LIMCH1: variants seen among roughly 807,000 people sequenced by gnomAD.
LIMCH1 encodes the protein LIM and calponin homology domains-containing protein 1.
Under a neutral mutation model 176.5 loss-of-function variants are expected in LIMCH1, and 113 were observed. The observed-to-expected ratio is 0.64, with a 90% CI of 0.55 to 0.75. The LOEUF (loss-of-function observed/expected upper bound fraction) is 0.75. Among genes scored for constraint, LIMCH1 ranks in the 30% least tolerant of loss-of-function variants. The pLI is 0.00. For missense variants in LIMCH1, 1,674 were observed against 1,814.9 expected, an observed-to-expected ratio of 0.92 and a Z score of 1.41; for synonymous variants, 619 against 645.9, an observed-to-expected ratio of 0.96 and a Z score of 0.63.
At chr4:41,495,085 C>A (rs1202933510) in intron 2 of LIMCH1, among the ~76,000 whole-genome samples, 1 of 152,128 alleles carries the variant, frequency 6.6e-6, no homozygotes, top group Non-Finnish European at 1.5e-5. Flanking sequence ...GTGCTGTTGG[C>A]AAAATTTAAA....
intron 27 of LIMCH1, among the ~76,000 whole-genome samples, chr4:41,685,120 T>C (rs924622361): frequency 6.6e-5 from 10 of 152,236 alleles, no homozygotes; most frequent in Admixed American, 3.3e-4. Context: ...AGAATGACCC[T>C]GGTAAATGTT....
At chr4:41,414,078 A>T (rs1053509513) in intron 1 of LIMCH1, among the ~76,000 whole-genome samples, 2 of 152,210 alleles carry the variant, frequency 1.3e-5, no homozygotes, top group African/African-American at 4.8e-5. Context: ...CAGATTTATT[A>T]TAACTCATTC....
At chr4:41,443,183 G>GTT (rs1265290139) in intron 1 of LIMCH1, among the ~76,000 whole-genome samples, 1 of 27,368 alleles carries the variant, frequency 3.7e-5, no homozygotes, top group East Asian at 7.9e-4. Context: ...CATATTGGAT[G>GTT]TTTTTTTTCT....
intron 1 of LIMCH1, among the ~76,000 whole-genome samples, chr4:41,401,807 G>A (rs1294479212): frequency 6.6e-6 from 1 of 152,178 alleles, no homozygotes; most frequent in Admixed American, 6.5e-5. Flanking sequence ...GTGAATGGGA[G>A]TTCACTCATG....
chr4:41,650,580 A>G lies in LIMCH1; in HGVS notation c.3008A>G (p.Lys1003Arg). 1 of 1,613,982 alleles carries G rather than the reference A, an allele frequency of 6.2e-7. No homozygotes were observed. The highest frequency in any genetic ancestry group is 8.5e-7 in the Non-Finnish European group (1 of 1,179,988). ...DNGSIEINIK[K>R]PNSVPQELAA... ...GGTAGCATCGAGATCAACATAAAGA[A>G]GCCAAACTCTGTTCCCCAAGAGCTC... Residue 1003 changes from lysine to arginine, a missense_variant, in exon 18 of 32, where the codon AAG (lysine) becomes AGG (arginine). Coordinates refer to ENST00000503057, the MANE Select transcript of LIMCH1 (RefSeq NM_001330672.2).
intron 7 of LIMCH1, among the ~76,000 whole-genome samples, chr4:41,620,991 A>G (rs2092534026): frequency 6.6e-6 from 1 of 152,206 alleles, no homozygotes; most frequent in African/African-American, 2.4e-5. Flanking sequence ...CCTAGCAATA[A>G]CATTGTATTT....
intron 18 of LIMCH1, among the ~76,000 whole-genome samples, chr4:41,655,497 G>A (rs1176984777): frequency 1.3e-5 from 2 of 152,288 alleles, no homozygotes; most frequent in Non-Finnish European, 1.5e-5. Flanking sequence ...AAGTAAGTTG[G>A]TCAAAATTAG....
At chr4:41,533,130 C>G (rs540365459) in intron 3 of LIMCH1, among the ~76,000 whole-genome samples, 140 of 152,246 alleles carry the variant, frequency 9.2e-4, no homozygotes, top group Middle Eastern at 3.4e-3. Context: ...AGGGTTGCAG[C>G]TTGCATCATC....
chr4:41,577,424 GA>G (rs953030197), intron 1 of LIMCH1, among the ~76,000 whole-genome samples: 11 of 152,146 alleles, frequency 7.2e-5, no homozygotes, highest in African/African-American at 2.4e-4. Flanking sequence ...AGTTGCAAGT[GA>G]TTTATTTATT....
intron 2 of LIMCH1, among the ~76,000 whole-genome samples, chr4:41,503,947 C>T (rs1018571229): frequency 2.0e-5 from 3 of 152,148 alleles, no homozygotes; most frequent in Non-Finnish European, 4.4e-5. Context: ...CTTCTGCCTC[C>T]GAGCACTTGG....
In LIMCH1 at chr4:41,384,192, C is replaced by T. The variant is rs184775064; in HGVS notation, c.96+23256C>T. Among the ~76,000 whole-genome samples, 399 of 151,590 alleles carry T rather than the reference C, an allele frequency of 2.6e-3. 2 individuals are homozygous for T. Among genetic ancestry groups the T allele is most frequent in the South Asian group, 0.012 (56 of 4,782 alleles). The stretch of plus-strand genomic sequence containing the variant: ...AGGGATTAGACAGTGAGGGGTCCTT[C>T]ACATTACATCCTGCTTTCTTTTTTT... On this transcript the variant is annotated intron_variant, in intron 1 of 26. Coordinates refer to the LIMCH1 transcript ENST00000313860.
In LIMCH1 at chr4:41,593,662, G is replaced by C. The variant is rs993058171; in HGVS notation, c.-240-5258G>C. Among the ~76,000 whole-genome samples, 6 of 152,218 alleles carry C rather than the reference G, an allele frequency of 3.9e-5. No homozygotes were observed. The East Asian group carries it at 1.2e-3, about 29-fold the overall frequency. On this transcript the variant is annotated intron_variant, in intron 1 of 31. Transcript: ENST00000503057. ...AGCGAATACAGGGTCATCCAGCTAT[G>C]GTCTATGGGCCAAATCCACCCAATG... is the stretch of plus-strand genomic sequence containing the variant.
At chr4:41,469,359 C>T (rs1314735536) in intron 1 of LIMCH1, among the ~76,000 whole-genome samples, 1 of 152,174 alleles carries the variant, frequency 6.6e-6, no homozygotes, top group East Asian at 1.9e-4. Flanking sequence ...TTGCTGCCTC[C>T]CTCTTTCAAT....
chr4:41,527,422 G>A (rs1422581649), intron 3 of LIMCH1, among the ~76,000 whole-genome samples: 1 of 152,160 alleles, frequency 6.6e-6, no homozygotes, highest in Non-Finnish European at 1.5e-5. Flanking sequence ...ATGTCCTGGT[G>A]ATGCACTAAG....
chr4:41,430,989 G>A (rs1423519662), intron 1 of LIMCH1, among the ~76,000 whole-genome samples: 1 of 152,168 alleles, frequency 6.6e-6, no homozygotes, highest in East Asian at 1.9e-4. Context: ...GCACAAGCAA[G>A]TTTGTCATTT....
intron 1 of LIMCH1, among the ~76,000 whole-genome samples, chr4:41,473,909 G>T (rs1258210622): frequency 2.0e-5 from 3 of 152,196 alleles, no homozygotes; most frequent in Non-Finnish European, 4.4e-5. Context: ...CAGGCACAGT[G>T]GTTTACGCCT....
At chr4:41,629,392 C>A (rs188380184) in intron 8 of LIMCH1, 100 bp from the exon 9 acceptor site, 1 of 1,367,896 alleles carries the variant, frequency 7.3e-7, no homozygotes, top group Admixed American at 2.2e-5. Flanking sequence ...TTTGTTCTGT[C>A]CTCAGCCTGT....
At chr4:41,380,368 A>G (rs191485715) in intron 1 of LIMCH1, among the ~76,000 whole-genome samples, 1 of 150,016 alleles carries the variant, frequency 6.7e-6, no homozygotes, top group African/African-American at 2.5e-5. Flanking sequence ...GCTGGCCTTG[A>G]TCTCCTCCTG....
intron 30 of LIMCH1, 128 bp downstream of exon 30, chr4:41,689,763 TAG>T (rs1399230231): frequency 1.7e-6 from 1 of 595,742 alleles, no homozygotes; most frequent in Non-Finnish European, 3.1e-6. Context: ...CTAGGTTGTA[TAG>T]ACATTCCTTC....
Sources: allele counts gnomAD v4.1 joint callset (sites outside exome capture counted in the v4.1 genomes callset), GRCh38; gene constraint gnomAD v4.1.1; transcripts MANE v1.5; gene names NCBI Gene and HGNC (gene_info 2026-07-23, HGNC 2026-07-21).